Variants in FAM227B observed in about 807,000 individuals in gnomAD.
The protein encoded by FAM227B is family with sequence similarity 227 member B.
A neutral mutation model predicts 73.8 loss-of-function variants in FAM227B; 88 were observed. That is an observed-to-expected ratio of 1.19 (90% CI 1.00 to 1.42). The LOEUF is 1.42. FAM227B is among the 40% of genes most tolerant of loss of function. The pLI is 0.00. For missense variants in FAM227B, 632 were observed against 590.9 expected (o/e 1.07, Z -0.72); for synonymous variants, 210 against 190.5 (o/e 1.10, Z -0.84).
chr15:49,362,388 C>T (rs954420738), intron 13 of FAM227B, among the ~76,000 whole-genome samples: 5 of 152,150 alleles, frequency 3.3e-5, no homozygotes, highest in Admixed American at 3.3e-4. Flanking sequence ...CTGAGGCTCC[C>T]CAGTCATGCT....
At chr15:49,340,471 A>G (rs76209592) in intron 13 of FAM227B, among the ~76,000 whole-genome samples, 9 of 120,750 alleles carry the variant, frequency 7.5e-5, no homozygotes, top group African/African-American at 2.5e-4. Flanking sequence ...ACCAGTCCCA[A>G]TGAGATGAAC....
At chr15:49,587,990 G>A (rs373641467) in intron 5 of FAM227B, 26 bp downstream of exon 5, 1 of 1,400,698 alleles carries the variant, frequency 7.1e-7, no homozygotes, top group Non-Finnish European at 9.4e-7. Context: ...CAACTTTCAA[G>A]GATGATAAAA....
intron 11 of FAM227B, among the ~76,000 whole-genome samples, chr15:49,419,026 G>A (rs1050381845): frequency 6.6e-5 from 10 of 152,214 alleles, no homozygotes; most frequent in Admixed American, 5.2e-4. Context: ...TGAGTCATTC[G>A]TCTACCCTGA....
At chr15:49,424,314 T>C (rs1270145021) in intron 11 of FAM227B, 2 of 1,613,472 alleles carry the variant, frequency 1.2e-6, no homozygotes, top group Middle Eastern at 1.7e-4. Flanking sequence ...AAATGGATAC[T>C]GACATGGATC....
At chr15:49,449,231 T>C (rs1460460428) in intron 11 of FAM227B, among the ~76,000 whole-genome samples, 1 of 152,008 alleles carries the variant, frequency 6.6e-6, no homozygotes, top group Admixed American at 6.6e-5. Flanking sequence ...CATATTGGGC[T>C]CCTAGTATTT....
At chr15:49,339,342 G>T (rs954950659) in intron 13 of FAM227B, among the ~76,000 whole-genome samples, 3 of 152,106 alleles carry the variant, frequency 2.0e-5, no homozygotes, top group Non-Finnish European at 2.9e-5. Context: ...TGTTGATGTT[G>T]ATATTATTCC....
Position 49,387,299 on chromosome 15 carries a change from T to C in FAM227B, c.1013-15900A>G, listed in dbSNP as rs561375054. On this transcript the variant is annotated intron_variant, in intron 11 of 15. Transcript: ENST00000299338. ...ATATCAAAAAGGTAATTCATCATGG[T>C]CAAGTGGGTTTCATCCCAGGGATGC... 2.6e-5 allele frequency among the ~76,000 whole-genome samples: 4 copies of C among 151,976 alleles called. No individual in the cohort carries two copies. The South Asian group carries it at 8.3e-4, about 32-fold the overall frequency.
intron 11 of FAM227B, among the ~76,000 whole-genome samples, chr15:49,417,587 A>C (rs950704395): frequency 6.6e-6 from 1 of 152,216 alleles, no homozygotes; most frequent in African/African-American, 2.4e-5. Context: ...TCCCTATTCA[A>C]TAAACGGTGC....
chr15:49,444,692 T>A (rs2052013662), intron 11 of FAM227B, among the ~76,000 whole-genome samples: 1 of 151,704 alleles, frequency 6.6e-6, no homozygotes, highest in South Asian at 2.1e-4. Flanking sequence ...CCAAGGACCC[T>A]TTGTGCATAT....
chr15:49,591,103 G>T (rs1209484595), intron 3 of FAM227B, among the ~76,000 whole-genome samples: 1 of 126,040 alleles, frequency 7.9e-6, no homozygotes, highest in Non-Finnish European at 1.6e-5. Flanking sequence ...GGAGTGCAGT[G>T]GTGCGATCTT....
At chr15:49,610,875 A>G (rs572279307) in intron 3 of FAM227B, among the ~76,000 whole-genome samples, 1 of 152,312 alleles carries the variant, frequency 6.6e-6, no homozygotes, top group East Asian at 1.9e-4. Flanking sequence ...TACCTGTCTC[A>G]GGTGTGGTGC....
At chr15:49,384,674 T>A (rs949640981) in intron 11 of FAM227B, among the ~76,000 whole-genome samples, 1 of 152,018 alleles carries the variant, frequency 6.6e-6, no homozygotes, top group Admixed American at 6.6e-5. Context: ...ACTCAAAGTA[T>A]AAATAAGCTG....
At chr15:49,492,863 G>A (rs2057243343) in intron 11 of FAM227B, among the ~76,000 whole-genome samples, 1 of 151,798 alleles carries the variant, frequency 6.6e-6, no homozygotes, top group East Asian at 1.9e-4. Flanking sequence ...TGGGATGTTG[G>A]TGCAGCATTG....
chr15:49,539,677 G>T (rs764262880), intron 10 of FAM227B, among the ~76,000 whole-genome samples: 2 of 152,220 alleles, frequency 1.3e-5, no homozygotes, highest in African/African-American at 4.8e-5. Context: ...ATGGGTGCAG[G>T]TGTTGCCCTA....
intron 10 of FAM227B, 32 bp downstream of exon 10, chr15:49,541,648 C>G: frequency 7.3e-7 from 1 of 1,365,028 alleles, no homozygotes; most frequent in Non-Finnish European, 9.5e-7. Context: ...GAAACCAAAA[C>G]AATGATTAAT....
chr15:49,423,367 A>G (rs541994338), intron 11 of FAM227B: 6 of 152,314 alleles, frequency 3.9e-5, no homozygotes, highest in African/African-American at 1.4e-4. Flanking sequence ...TAGCTACAGT[A>G]GAAAGGCTCA....
chr15:49,413,674 T>C (rs555212962), intron 11 of FAM227B, among the ~76,000 whole-genome samples: 1 of 152,266 alleles, frequency 6.6e-6, no homozygotes, highest in Middle Eastern at 3.4e-3. Flanking sequence ...ACTTGCTAAT[T>C]ACAATCTATT....
intron 10 of FAM227B, 136 bp downstream of exon 10, chr15:49,541,544 A>T: frequency 1.5e-6 from 1 of 689,222 alleles, no homozygotes; most frequent in Non-Finnish European, 2.1e-6. Context: ...CATTTATTTT[A>T]ACACATGGGT....
intron 13 of FAM227B, among the ~76,000 whole-genome samples, chr15:49,337,642 A>T (rs905669712): frequency 1.3e-5 from 2 of 150,172 alleles, no homozygotes; most frequent in African/African-American, 4.9e-5. Context: ...TGTCATCTAC[A>T]TTAGGTATTT....
Sources: gnomAD v4.1 joint callset for allele counts (sites outside exome capture counted in the v4.1 genomes callset) on GRCh38, gnomAD v4.1.1 for gene constraint, MANE v1.5 for transcripts, NCBI Gene and HGNC (gene_info 2026-07-23, HGNC 2026-07-21) for gene names.